KCNH1: variants seen among roughly 807,000 people sequenced by gnomAD.
KCNH1 encodes the protein voltage-gated delayed rectifier potassium channel KCNH1.
Under a neutral mutation model 69.2 loss-of-function variants are expected in KCNH1, and 27 were observed. That is an observed-to-expected ratio of 0.39 (90% CI 0.29 to 0.54). The LOEUF is 0.54. Among genes scored for constraint, KCNH1 ranks in the 20% least tolerant of loss-of-function variants. The pLI is 0.68. For synonymous variants in KCNH1, 456 were observed against 487.7 expected (o/e 0.93, Z 0.86); for missense variants, 798 against 1,261.6 (o/e 0.63, Z 5.57).
At chr1:210,799,465 T>C (rs1183696540) in intron 8 of KCNH1, among the ~76,000 whole-genome samples, 1 of 152,210 alleles carries the variant, frequency 6.6e-6, no homozygotes, top group Non-Finnish European at 1.5e-5. Context: ...TAGGAGGCTA[T>C]GCAGATCTCA....
At chr1:210,845,519 A>G (rs1365453601) in intron 7 of KCNH1, among the ~76,000 whole-genome samples, 1 of 152,214 alleles carries the variant, frequency 6.6e-6, no homozygotes, top group African/African-American at 2.4e-5. Flanking sequence ...CCTTTGACAA[A>G]ATTCAACAAC....
chr1:210,819,958 T>C (rs1241628728), intron 7 of KCNH1, among the ~76,000 whole-genome samples: 1 of 152,262 alleles, frequency 6.6e-6, no homozygotes, highest in African/African-American at 2.4e-5. Context: ...ATGCACATCA[T>C]GTGAGGGAGC....
chr1:211,095,417 T>C (rs902073626), intron 3 of KCNH1, among the ~76,000 whole-genome samples: 2 of 152,172 alleles, frequency 1.3e-5, no homozygotes, highest in Non-Finnish European at 2.9e-5. Flanking sequence ...GGGAGGGCAG[T>C]TCCAGGTCAG....
chr1:210,765,528 G>A (rs1214713904), intron 10 of KCNH1, among the ~76,000 whole-genome samples: 1 of 152,192 alleles, frequency 6.6e-6, no homozygotes, highest in Non-Finnish European at 1.5e-5. Context: ...CAGCACCTAA[G>A]TGAGATACAT....
At chr1:211,038,678 G>A (rs931266285) in intron 5 of KCNH1, among the ~76,000 whole-genome samples, 9 of 152,182 alleles carry the variant, frequency 5.9e-5, no homozygotes, top group Admixed American at 4.6e-4. Flanking sequence ...GGTGACTCTT[G>A]TTATGTTTTA....
intron 7 of KCNH1, among the ~76,000 whole-genome samples, chr1:210,844,374 T>A (rs904747639): frequency 2.6e-5 from 4 of 151,972 alleles, no homozygotes; most frequent in Non-Finnish European, 5.9e-5. Context: ...TACAAAAAAA[T>A]TAGCTGGGCA....
intron 6 of KCNH1, among the ~76,000 whole-genome samples, chr1:210,999,721 T>C (rs960110939): frequency 2.0e-5 from 3 of 152,124 alleles, no homozygotes; most frequent in African/African-American, 7.2e-5. Context: ...CAAAAGAGAA[T>C]TTTAGACCAA....
At chr1:210,993,569 A>C (rs1415281151) in intron 6 of KCNH1, among the ~76,000 whole-genome samples, 1 of 152,250 alleles carries the variant, frequency 6.6e-6, no homozygotes, top group Non-Finnish European at 1.5e-5. Context: ...GTCTTAACAG[A>C]AATTTCCTGT....
chr1:210,863,752 A>C (rs964005501), intron 7 of KCNH1, among the ~76,000 whole-genome samples: 3 of 152,170 alleles, frequency 2.0e-5, no homozygotes, highest in Non-Finnish European at 4.4e-5. Context: ...TTCCCTCATG[A>C]AAGGCTGCAG....
chr1:210,860,580 A>G (rs1685955969), intron 7 of KCNH1: 3 of 862,580 alleles, frequency 3.5e-6, no homozygotes, highest in African/African-American at 1.6e-5. Flanking sequence ...CACTATTTTC[A>G]CAGATCATTT....
intron 10 of KCNH1, among the ~76,000 whole-genome samples, chr1:210,705,273 C>T (rs1170275819): frequency 2.0e-5 from 3 of 152,188 alleles, no homozygotes; most frequent in African/African-American, 4.8e-5. Context: ...GATTCTCATT[C>T]GTCCACTTGC....
intron 5 of KCNH1, among the ~76,000 whole-genome samples, chr1:211,059,304 G>C (rs1446888334): frequency 6.6e-6 from 1 of 151,456 alleles, no homozygotes; most frequent in Non-Finnish European, 1.5e-5. Context: ...TAGAGAGAGA[G>C]AGACAGAAAG....
chr1:210,954,915 A>G (rs1057001346), intron 6 of KCNH1, among the ~76,000 whole-genome samples: 11 of 152,060 alleles, frequency 7.2e-5, no homozygotes, highest in Non-Finnish European at 1.6e-4. Flanking sequence ...ATTAGATCCC[A>G]TTTGTGAATT....
chr1:210,775,076 T>C (rs1030602178), intron 10 of KCNH1, among the ~76,000 whole-genome samples: 3 of 152,078 alleles, frequency 2.0e-5, no homozygotes, highest in Non-Finnish European at 2.9e-5. Context: ...GGTCTAGATA[T>C]TGATGGGGGA....
At chr1:210,813,999 G>A (rs1684763113) in intron 7 of KCNH1, among the ~76,000 whole-genome samples, 1 of 152,154 alleles carries the variant, frequency 6.6e-6, no homozygotes, top group Non-Finnish European at 1.5e-5. Flanking sequence ...GGCCTCCCCA[G>A]CCACACGGAA....
intron 6 of KCNH1, among the ~76,000 whole-genome samples, chr1:210,931,206 C>T (rs976390485): frequency 2.6e-5 from 4 of 152,152 alleles, no homozygotes; most frequent in African/African-American, 9.7e-5. Context: ...GAAAAAGATA[C>T]TTGCACACAC....
chr1:210,795,037 A>G (rs1053825499), intron 9 of KCNH1, among the ~76,000 whole-genome samples: 2 of 152,200 alleles, frequency 1.3e-5, no homozygotes, highest in African/African-American at 4.8e-5. Flanking sequence ...TCTGGTCTGC[A>G]GGGTTCAGTG....
At chr1:211,010,792 C>A (rs1689377725) in intron 6 of KCNH1, among the ~76,000 whole-genome samples, 1 of 152,132 alleles carries the variant, frequency 6.6e-6, no homozygotes, top group South Asian at 2.1e-4. Flanking sequence ...CCCCTGCCAT[C>A]TAAGTCAATT....
At chr1:211,004,529 T>C (rs2102403251) in intron 6 of KCNH1, among the ~76,000 whole-genome samples, 1 of 151,794 alleles carries the variant, frequency 6.6e-6, no homozygotes. Flanking sequence ...ATATAGAAAG[T>C]TAACAGAAAG....
Sources: gnomAD v4.1 joint callset for allele counts (sites outside exome capture counted in the v4.1 genomes callset) on GRCh38, gnomAD v4.1.1 for gene constraint, MANE v1.5 for transcripts, NCBI Gene and HGNC (gene_info 2026-07-23, HGNC 2026-07-21) for gene names.